LRRC8B: variants seen among roughly 807,000 people sequenced by gnomAD.
The protein encoded by LRRC8B is leucine rich repeat containing 8 VRAC subunit B, also known as volume-regulated anion channel subunit LRRC8B.
LRRC8B carries 23 observed loss-of-function variants against 58.8 expected under a neutral mutation model. That is an observed-to-expected ratio of 0.39 (90% CI 0.28 to 0.55). The LOEUF (loss-of-function observed/expected upper bound fraction) is 0.55, where lower values mean the gene tolerates loss of function less well. Among genes scored for constraint, LRRC8B ranks in the 20% least tolerant of loss-of-function variants. The pLI, the probability that LRRC8B is intolerant of heterozygous loss-of-function variation, is 0.62. For missense variants in LRRC8B, 694 were observed against 936.0 expected (o/e 0.74, Z 3.37); for synonymous variants, 359 against 374.1 (o/e 0.96, Z 0.47).
chr1:89,526,732 CCTTATA>C (rs142427670), intron 1 of LRRC8B, among the ~76,000 whole-genome samples: 5,221 of 152,208 alleles, frequency 0.034, 304 homozygotes, highest in African/African-American at 0.12. Context: ...ATGGCACTTT[CCTTATA>C]CTTAGTATCC....
At chr1:89,573,771 A>G (rs1570624623) in intron 3 of LRRC8B, among the ~76,000 whole-genome samples, 1 of 152,188 alleles carries the variant, frequency 6.6e-6, no homozygotes, top group East Asian at 1.9e-4. Context: ...TCCTTCACTC[A>G]CTAAATTCTT....
intron 3 of LRRC8B, among the ~76,000 whole-genome samples, chr1:89,568,795 A>G (rs1479006030): frequency 6.6e-6 from 1 of 152,082 alleles, no homozygotes; most frequent in Non-Finnish European, 1.5e-5. Flanking sequence ...ATAAATGGCC[A>G]TGGCAGACTT....
intron 4 of LRRC8B, among the ~76,000 whole-genome samples, chr1:89,581,342 A>G (rs974025050): frequency 6.6e-6 from 1 of 151,910 alleles, no homozygotes; most frequent in South Asian, 2.1e-4. Context: ...CTAGAGAGTA[A>G]CTCTGGCCCA....
rs1291355433 is a variant in LRRC8B at position 89,593,359 on chromosome 1, A to G, written c.*316A>G. ...GCCACTGTACACCAGCCTGGGTGAC[A>G]GAGCAAGACTCTTATCTCAAAAAAA... On this transcript the variant is annotated 3_prime_UTR_variant, in exon 6 of 6. Transcript: ENST00000330947. 3 of 199,702 alleles carry G rather than the reference A, an allele frequency of 1.5e-5. No individual in the cohort carries two copies. The highest frequency in any genetic ancestry group is 2.0e-5 in the Non-Finnish European group (2 of 98,884). 12.4% of individuals were successfully genotyped at this position (199,702 alleles called of 1,614,324 possible). A position where few individuals can be genotyped will look rare whatever the true frequency, so the allele number is the denominator to read the frequency against.
In LRRC8B at chr1:89,583,868, A is replaced by T. The variant is rs1189821433; in HGVS notation, c.1218A>T (p.Thr406=). The T allele has an allele frequency of 6.2e-7, 1 of 1,614,108 alleles. No homozygotes were observed. Among genetic ancestry groups the T allele is most frequent in the Non-Finnish European group, 8.5e-7 (1 of 1,180,042 alleles). Residue 406 remains threonine (T), a synonymous_variant, in exon 5 of 6, where the codon ACA becomes ACT. Transcript: ENST00000330947. This position sits in a 1 kb window ranked among gnomAD's most constrained non-coding sequence, Gnocchi z 5.2. ...LKQINLNNEW[T]VEKLKSKLVK... ...AGATCAACCTCAATAATGAATGGACAGTTGAGAAACTGAAAAGTAAGCTTG... is the reference window on the plus strand; with the variant it reads ...AGATCAACCTCAATAATGAATGGACTGTTGAGAAACTGAAAAGTAAGCTTG...
chr1:89,557,710 C>T (rs907720658), intron 1 of LRRC8B, among the ~76,000 whole-genome samples: 4 of 152,234 alleles, frequency 2.6e-5, no homozygotes, highest in Non-Finnish European at 5.9e-5. Flanking sequence ...AGACTGTACT[C>T]AGTCAGCAGC....
chr1:89,526,167 T>A (rs1649679476), intron 1 of LRRC8B, among the ~76,000 whole-genome samples: 1 of 152,226 alleles, frequency 6.6e-6, no homozygotes, highest in Non-Finnish European at 1.5e-5. Context: ...CAGTACCCTC[T>A]ATGTGTACAG....
At position 89,593,100 on chromosome 1, in the gene LRRC8B, C is replaced by T. The variant is rs1328965364; in HGVS notation, c.*57C>T. 25 of 1,552,954 alleles carry T rather than the reference C, an allele frequency of 1.6e-5. No individual in the cohort carries two copies. The highest frequency in any genetic ancestry group is 4.5e-5 in the East Asian group (2 of 44,450). On this transcript the variant is annotated 3_prime_UTR_variant, in exon 6 of 6. Transcript: ENST00000330947. ...ATTTTTAAAAGTATGCTCGGCCGGG[C>T]GTGGTGGCTCATGCCTATAATCCCA...
At chr1:89,561,157 A>G (rs1652617707) in intron 1 of LRRC8B, among the ~76,000 whole-genome samples, 1 of 151,586 alleles carries the variant, frequency 6.6e-6, no homozygotes, top group South Asian at 2.1e-4. Context: ...GCATTTTTTC[A>G]TGTGTTTTTT....
rs1553153226 is a variant in LRRC8B, at chr1:89,530,381, T to TAAATA, written c.-241+5361_-241+5362insATAAA. ...CTCCAAAAATAAATAAATAAATAAA[T>TAAATA]AATAAATAAATAAATAAGAGTATAT... On this transcript the variant is annotated intron_variant, in intron 1 of 5. Transcript: ENST00000330947. Among the ~76,000 whole-genome samples, 16 of 147,570 alleles carry TAAATA rather than the reference T, an allele frequency of 1.1e-4. No individual in the cohort carries two copies. The East Asian group carries it at 1.4e-3, about 13-fold the overall frequency.
At chr1:89,541,054 A>T (rs1650929979) in intron 1 of LRRC8B, among the ~76,000 whole-genome samples, 1 of 152,198 alleles carries the variant, frequency 6.6e-6, no homozygotes, top group Non-Finnish European at 1.5e-5. Context: ...ACAACTTTTT[A>T]AATTATAGCT....
At chr1:89,555,684 G>A (rs1239860176) in intron 1 of LRRC8B, among the ~76,000 whole-genome samples, 1 of 152,140 alleles carries the variant, frequency 6.6e-6, no homozygotes, top group African/African-American at 2.4e-5. Flanking sequence ...TGTCCCTTAG[G>A]AAATAACTTT....
intron 3 of LRRC8B, among the ~76,000 whole-genome samples, chr1:89,576,393 A>G (rs1206372538): frequency 6.6e-6 from 1 of 152,140 alleles, no homozygotes; most frequent in Non-Finnish European, 1.5e-5. Context: ...TTGGGGGAAA[A>G]AAAAAATCTG....
rs1655359353 is a variant in LRRC8B, at chr1:89,597,704, C to G, written c.*4661C>G. ...AAGATTTTGTTCAATGTTTTTGGCC[C>G]TCAGGTTTACTGTGTAAATCTGCAT... is the stretch of plus-strand genomic sequence containing the variant. On this transcript the variant is annotated 3_prime_UTR_variant, in exon 6 of 6. Coordinates refer to ENST00000330947, the MANE Select transcript of LRRC8B (RefSeq NM_001369817.2). The G allele has an allele frequency of 6.6e-6, 1 of 152,118 alleles. No homozygotes were observed. Among genetic ancestry groups the G allele is most frequent in the African/African-American group, 2.4e-5 (1 of 41,402 alleles). 9.4% of individuals were successfully genotyped at this position (152,118 alleles called of 1,614,324 possible). A position where few individuals can be genotyped will look rare whatever the true frequency, so the allele number is the denominator to read the frequency against.
In LRRC8B at chr1:89,584,699, T is replaced by C; in HGVS notation, c.2049T>C (p.Tyr683=). Reference sequence around the variant, plus strand: ...TTTTCCTATGCACTAAACTACATTATTTGGATCTAAGCTATAACCACTTGA... The same window carrying C: ...TTTTCCTATGCACTAAACTACATTACTTGGATCTAAGCTATAACCACTTGA... The part of the protein sequence containing the change: ...LQLFLCTKLH[Y]LDLSYNHLTF... The change falls in exon 5 of 6, where the codon TAT becomes TAC. Residue 683 remains tyrosine (Y), a synonymous_variant. Transcript: ENST00000330947. 1 of 1,613,972 alleles carries C rather than the reference T, an allele frequency of 6.2e-7. No individual in the cohort carries two copies. Among genetic ancestry groups the C allele is most frequent in the Non-Finnish European group, 8.5e-7 (1 of 1,179,954 alleles).
intron 1 of LRRC8B, among the ~76,000 whole-genome samples, chr1:89,526,806 TTC>T (rs1649738862): frequency 1.3e-5 from 2 of 152,222 alleles, no homozygotes; most frequent in South Asian, 4.1e-4. Context: ...TTGAAATGTG[TTC>T]TCTTTTTCCT....
intron 1 of LRRC8B, among the ~76,000 whole-genome samples, chr1:89,528,491 A>G (rs1649867630): frequency 6.6e-6 from 1 of 152,250 alleles, no homozygotes; most frequent in Non-Finnish European, 1.5e-5. Context: ...GTTTTACCTA[A>G]GAGAACAAAC....
rs5776023 is a variant in LRRC8B at position 89,581,273 on chromosome 1, CAAAAAAAAAAAAA to C, written c.-26-1340_-26-1328del. Among the ~76,000 whole-genome samples, 4 of 72,532 alleles carry C rather than the reference CAAAAAAAAAAAAA, an allele frequency of 5.5e-5. No individual in the cohort carries two copies. In the South Asian group the frequency reaches 2.4e-3, roughly 43 times the overall value. The allele number at this position is 72,532 out of a possible 152,430, so 47.6% of individuals were successfully genotyped here. On this transcript the variant is annotated intron_variant, in intron 4 of 5. Transcript: ENST00000330947. ...GAGATCACGCCACTAGACTCCGTCT[CAAAAAAAAAAAAA>C]AAAAAAAAAAAGGCTTCCTTGGGGA...
At chr1:89,574,791 T>C (rs1485636869) in intron 3 of LRRC8B, among the ~76,000 whole-genome samples, 2 of 152,246 alleles carry the variant, frequency 1.3e-5, no homozygotes, top group South Asian at 2.1e-4. Context: ...CAGCAAAAGA[T>C]ACTCAAAGAA....
Sources: gnomAD v4.1 joint callset for allele counts (sites outside exome capture counted in the v4.1 genomes callset) on GRCh38, gnomAD v4.1.1 for gene constraint, Gnocchi (gnomAD v3.1) non-coding constraint, MANE v1.5 for transcripts, NCBI Gene and HGNC (gene_info 2026-07-23, HGNC 2026-07-21) for gene names.